Variants in PLCB1 observed in about 807,000 individuals in gnomAD.
The protein encoded by PLCB1 is phospholipase C beta 1.
A neutral mutation model predicts 161.8 loss-of-function variants in PLCB1; 46 were observed. That is an observed-to-expected ratio of 0.28 (90% CI 0.22 to 0.36). The LOEUF is 0.36. PLCB1 is among the 10% of genes least tolerant of loss of function. PLCB1 has a pLI of 1.00. For synonymous variants in PLCB1, 517 were observed against 503.7 expected, an observed-to-expected ratio of 1.03 and a Z score of -0.35; for missense variants, 1,016 against 1,472.5, an observed-to-expected ratio of 0.69 and a Z score of 5.07.
intron 2 of PLCB1, among the ~76,000 whole-genome samples, chr20:8,246,476 G>C (rs1980886602): frequency 6.6e-6 from 1 of 151,954 alleles, no homozygotes; most frequent in South Asian, 2.1e-4. Flanking sequence ...CTTGAGGCCT[G>C]TTGTTAGAAC....
chr20:8,709,718 T>C (rs911443928), intron 12 of PLCB1, among the ~76,000 whole-genome samples: 1 of 152,238 alleles, frequency 6.6e-6, no homozygotes, highest in Non-Finnish European at 1.5e-5. Flanking sequence ...GTGACAATTT[T>C]ATAATTATCT....
chr20:8,555,252 T>C (rs986502708), intron 3 of PLCB1, among the ~76,000 whole-genome samples: 2 of 152,032 alleles, frequency 1.3e-5, no homozygotes, highest in African/African-American at 4.8e-5. Flanking sequence ...TCTGTATCCT[T>C]AATAGGGTTG....
At chr20:8,630,182 G>T (rs1039804311) in intron 4 of PLCB1, among the ~76,000 whole-genome samples, 52 of 150,372 alleles carry the variant, frequency 3.5e-4, no homozygotes, top group African/African-American at 1.2e-3. Flanking sequence ...TGCCTCCTGG[G>T]TTCAAGCCAT....
chr20:8,632,932 A>C (rs1009495416), intron 4 of PLCB1, among the ~76,000 whole-genome samples: 1 of 152,070 alleles, frequency 6.6e-6, no homozygotes, highest in Non-Finnish European at 1.5e-5. Flanking sequence ...CTGAGGACAG[A>C]TGTGATTTGA....
chr20:8,592,641 A>G (rs1987185261), intron 3 of PLCB1, among the ~76,000 whole-genome samples: 1 of 152,164 alleles, frequency 6.6e-6, no homozygotes, highest in African/African-American at 2.4e-5. Context: ...GTGCACCTGC[A>G]TTTTGACGGT....
chr20:8,556,158 G>T (rs1985946376), intron 3 of PLCB1, among the ~76,000 whole-genome samples: 1 of 151,962 alleles, frequency 6.6e-6, no homozygotes, highest in South Asian at 2.1e-4. Flanking sequence ...GGCAGCAGTA[G>T]GAAAGATGGC....
chr20:8,628,297 C>A lies in PLCB1; in HGVS notation c.250C>A (p.Pro84Thr). 42 of 1,612,938 alleles carry A rather than the reference C, an allele frequency of 2.6e-5. No homozygotes were observed. Among genetic ancestry groups the A allele is most frequent in the Non-Finnish European group, 3.5e-5 (41 of 1,179,002 alleles). The change falls in exon 4 of 32, where the codon CCC becomes ACC. Residue 84 changes from proline to threonine, a missense_variant. Coordinates refer to ENST00000338037, the MANE Select transcript of PLCB1 (RefSeq NM_015192.4). ...ATTTTCAATATTTATTACCCAGGAC[C>A]CCAAATTACGTGAACTTTTGGATGT... The part of the protein sequence containing the change: ...CGRHAKAPKD[P>T]KLRELLDVGN...
At chr20:8,308,108 C>T (rs1378915746) in intron 2 of PLCB1, among the ~76,000 whole-genome samples, 1 of 151,966 alleles carries the variant, frequency 6.6e-6, no homozygotes, top group Non-Finnish European at 1.5e-5. Flanking sequence ...ATGCAGAAGA[C>T]CTTCTCCTGG....
chr20:8,884,402 A>C lies in PLCB1; in HGVS notation c.*2553A>C. On this transcript the variant is annotated 3_prime_UTR_variant, in exon 32 of 32. Coordinates refer to ENST00000338037, the MANE Select transcript of PLCB1 (RefSeq NM_015192.4). ...ATAATAGAAAGTAGAGCTGTGTATT[A>C]AATTAGACTGTGTCTCTCTGATACC... is the stretch of plus-strand genomic sequence containing the variant. 6.6e-6 allele frequency: 1 copy of C among 152,614 alleles called. No homozygotes were observed. The highest frequency in any genetic ancestry group is 1.9e-4 in the East Asian group (1 of 5,194). The allele number at this position is 152,614 out of a possible 1,614,324, so 9.5% of individuals were successfully genotyped here.
At chr20:8,496,543 T>TCTCAGTC (rs1341021994) in intron 3 of PLCB1, among the ~76,000 whole-genome samples, 4 of 152,178 alleles carry the variant, frequency 2.6e-5, no homozygotes. Flanking sequence ...TTAGTGATTT[T>TCTCAGTC]CTCAGTCCTC....
rs139542242 is a variant in PLCB1, at chr20:8,727,292, G to A, written c.1679-17G>A. ...TTCTCACCTTCCCCTTTTTTGTTTT[G>A]TTGTTGCTTAACTCAGAAAGAAATA... On this transcript the variant is annotated splice_polypyrimidine_tract_variant and intron_variant, in intron 16 of 31. Transcript: ENST00000338037. 7.6e-4 allele frequency: 1,074 copies of A among 1,416,430 alleles called. 8 individuals carry two copies. In the African/African-American group the frequency reaches 0.013, roughly 17 times the overall value. 87.7% of individuals were successfully genotyped at this position (1,416,430 alleles called of 1,614,324 possible). A position where few individuals can be genotyped will look rare whatever the true frequency, so the allele number is the denominator to read the frequency against.
At chr20:8,392,827 A>G (rs914980289) in intron 3 of PLCB1, among the ~76,000 whole-genome samples, 7 of 152,200 alleles carry the variant, frequency 4.6e-5, no homozygotes, top group African/African-American at 1.7e-4. Context: ...GAAATCCTAT[A>G]TCACTGCCTT....
At chr20:8,326,537 C>A (rs1985161327) in intron 2 of PLCB1, among the ~76,000 whole-genome samples, 3 of 152,160 alleles carry the variant, frequency 2.0e-5, no homozygotes, top group African/African-American at 7.2e-5. Flanking sequence ...TTATGACTGA[C>A]AAAATTGTTC....
chr20:8,710,502 CTTTTT>C (rs1177302486), intron 12 of PLCB1, among the ~76,000 whole-genome samples: 1 of 71,468 alleles, frequency 1.4e-5, no homozygotes. Flanking sequence ...CTTGAGGATG[CTTTTT>C]TTTTTTTTTT....
At chr20:8,596,861 G>A (rs1339416268) in intron 3 of PLCB1, among the ~76,000 whole-genome samples, 10 of 151,512 alleles carry the variant, frequency 6.6e-5, no homozygotes, top group Admixed American at 2.6e-4. Flanking sequence ...TCTCTTTGAA[G>A]CAATTGTGAA....
chr20:8,236,516 G>A (rs1413215742), intron 2 of PLCB1, among the ~76,000 whole-genome samples: 1 of 151,824 alleles, frequency 6.6e-6, no homozygotes, highest in African/African-American at 2.4e-5. Context: ...TTGGGTAACA[G>A]AACAAGACCC....
At position 8,734,207 on chromosome 20, in the gene PLCB1, T is replaced by C. The variant is rs182987441; in HGVS notation, c.2043+815T>C. 1.9e-3 allele frequency among the ~76,000 whole-genome samples: 293 copies of C among 151,058 alleles called. 3 individuals carry two copies. The highest frequency in any genetic ancestry group is 6.4e-3 in the African/African-American group (265 of 41,310). ...AAGATAAAGCGACTGAACTTTATTCTTAATGATAAAAATCTGACTCTAAAT... is the reference window on the plus strand; with the variant it reads ...AAGATAAAGCGACTGAACTTTATTCCTAATGATAAAAATCTGACTCTAAAT... On this transcript the variant is annotated intron_variant, in intron 19 of 31. Transcript: ENST00000338037.
intron 2 of PLCB1, among the ~76,000 whole-genome samples, chr20:8,297,040 A>G (rs551897685): frequency 1.8e-3 from 279 of 152,188 alleles, no homozygotes; most frequent in African/African-American, 6.6e-3. Flanking sequence ...ATATGTATAT[A>G]TATACACACA....
chr20:8,231,915 A>G (rs1297012011), intron 2 of PLCB1, among the ~76,000 whole-genome samples: 1 of 152,168 alleles, frequency 6.6e-6, no homozygotes, highest in African/African-American at 2.4e-5. Flanking sequence ...TATACTGTAT[A>G]TATGTATGTA....
Sources: allele counts gnomAD v4.1 joint callset (sites outside exome capture counted in the v4.1 genomes callset), GRCh38; gene constraint gnomAD v4.1.1; transcripts MANE v1.5; gene names NCBI Gene and HGNC (gene_info 2026-07-23, HGNC 2026-07-21).